Variants in LY86 observed in about 807,000 individuals in gnomAD.
The protein encoded by LY86 is lymphocyte antigen 86.
In LY86, 20 loss-of-function variants were observed where a neutral mutation model predicts 17.3. The ratio of observed to expected loss-of-function variants is 1.15; its 90% CI spans 0.81 to 1.68. The LOEUF (loss-of-function observed/expected upper bound fraction) is 1.68, where lower values mean the gene tolerates loss of function less well. LY86 is among the 40% of genes most tolerant of loss of function. The pLI, the probability that LY86 is intolerant of heterozygous loss-of-function variation, is 0.00. For synonymous variants in LY86, 74 were observed against 70.6 expected (o/e 1.05, Z -0.24); for missense variants, 200 against 191.9 (o/e 1.04, Z -0.25).
intron 3 of LY86, among the ~76,000 whole-genome samples, chr6:6,628,036 C>CTT (rs202086977): frequency 8.8e-5 from 13 of 147,570 alleles, no homozygotes; most frequent in African/African-American, 2.2e-4. Context: ...CAAATTGGGA[C>CTT]TTTTTTTTTT....
chr6:6,601,449 G>T (rs1276582076), intron 1 of LY86, among the ~76,000 whole-genome samples: 1 of 152,230 alleles, frequency 6.6e-6, no homozygotes, highest in African/African-American at 2.4e-5. Context: ...GAGGCCGGGC[G>T]CGGTGGCTCA....
intron 1 of LY86, among the ~76,000 whole-genome samples, chr6:6,609,949 G>A (rs560030505): frequency 2.0e-5 from 3 of 152,288 alleles, no homozygotes; most frequent in Non-Finnish European, 4.4e-5. Context: ...CACTGGCAAG[G>A]AAGGGTGCTG....
chr6:6,622,319 C>G (rs1169216486), intron 1 of LY86, among the ~76,000 whole-genome samples: 1 of 152,180 alleles, frequency 6.6e-6, no homozygotes, highest in African/African-American at 2.4e-5. Flanking sequence ...TGCTAATCAA[C>G]AACACAATAC....
At chr6:6,645,148 T>G (rs896619969) in intron 3 of LY86, among the ~76,000 whole-genome samples, 2 of 152,176 alleles carry the variant, frequency 1.3e-5, no homozygotes, top group Admixed American at 1.3e-4. Context: ...CATCCATTTT[T>G]TAAAACGAAA....
At chr6:6,601,193 T>G (rs942125368) in intron 1 of LY86, among the ~76,000 whole-genome samples, 8 of 152,168 alleles carry the variant, frequency 5.3e-5, no homozygotes, top group African/African-American at 1.7e-4. Flanking sequence ...GATCTCAGGA[T>G]CTCAGCAGAG....
chr6:6,599,649 G>A (rs1760835814), intron 1 of LY86, among the ~76,000 whole-genome samples: 2 of 152,214 alleles, frequency 1.3e-5, no homozygotes, highest in South Asian at 4.1e-4. Flanking sequence ...CACAAAGAGA[G>A]GGGTCAGCAT....
chr6:6,627,744 A>T (rs528767658), intron 3 of LY86, among the ~76,000 whole-genome samples: 2 of 152,174 alleles, frequency 1.3e-5, no homozygotes, highest in Non-Finnish European at 2.9e-5. Flanking sequence ...CCAATAAGTC[A>T]TTTACTTCCC....
At chr6:6,593,554 G>C (rs1216808913) in intron 1 of LY86, among the ~76,000 whole-genome samples, 1 of 152,224 alleles carries the variant, frequency 6.6e-6, no homozygotes, top group African/African-American at 2.4e-5. Context: ...CTATATGAAA[G>C]GTGCTTAGCA....
chr6:6,613,224 C>A (rs897106925), intron 1 of LY86, among the ~76,000 whole-genome samples: 1 of 144,950 alleles, frequency 6.9e-6, no homozygotes, highest in Non-Finnish European at 1.5e-5. Context: ...CCCAGTGGAT[C>A]CGGCACTAGG....
chr6:6,634,300 A>T (rs1263080420), intron 3 of LY86, among the ~76,000 whole-genome samples: 2 of 152,274 alleles, frequency 1.3e-5, no homozygotes, highest in African/African-American at 2.4e-5. Context: ...CAATCTGAAG[A>T]ATCCTCTAGT....
intron 4 of LY86, among the ~76,000 whole-genome samples, chr6:6,653,560 C>G (rs1378988406): frequency 6.6e-6 from 1 of 152,242 alleles, no homozygotes; most frequent in African/African-American, 2.4e-5. Context: ...ACCTGGCTGC[C>G]AGGTGGCTTC....
rs111910078 is a variant in LY86 at position 6,612,691 on chromosome 6, G to T, written c.137-12235G>T. ...GCTGATTGGTCCGTTTTGACAGGGTGCTGATTGGTCGCGTTTACAATCCCT... is the reference window on the plus strand; with the variant it reads ...GCTGATTGGTCCGTTTTGACAGGGTTCTGATTGGTCGCGTTTACAATCCCT... On this transcript the variant is annotated intron_variant, in intron 1 of 4. Transcript: ENST00000230568. Among the ~76,000 whole-genome samples, 602 of 152,316 alleles carry T rather than the reference G, an allele frequency of 4.0e-3. 5 individuals are homozygous for T. Among genetic ancestry groups the T allele is most frequent in the African/African-American group, 0.014 (573 of 41,572 alleles).
intron 2 of LY86, 151 bp downstream of exon 2, chr6:6,625,163 C>A (rs924158588): frequency 2.0e-6 from 1 of 507,736 alleles, no homozygotes; most frequent in Middle Eastern, 2.8e-4. Flanking sequence ...TCTTCATTTT[C>A]AAATCTTTCT....
Position 6,626,278 on chromosome 6 carries a change from T to G in LY86, c.224-15T>G. The G allele has an allele frequency of 6.2e-7, 1 of 1,613,152 alleles. No homozygotes were observed. Reference sequence around the variant, plus strand: ...ACACGCAGTAAGAGTAAAGCTGTTCTTCTCTTTCCTCCAGGAGAGGACATC... The same window carrying G: ...ACACGCAGTAAGAGTAAAGCTGTTCGTCTCTTTCCTCCAGGAGAGGACATC... On this transcript the variant is annotated splice_polypyrimidine_tract_variant and intron_variant, in intron 2 of 4. Coordinates refer to ENST00000230568, the MANE Select transcript of LY86 (RefSeq NM_004271.4).
At chr6:6,631,634 G>C (rs1252648421) in intron 3 of LY86, among the ~76,000 whole-genome samples, 1 of 152,216 alleles carries the variant, frequency 6.6e-6, no homozygotes, top group Non-Finnish European at 1.5e-5. Context: ...GAAGCTCTGG[G>C]GTTGGGGCTT....
At chr6:6,624,491 G>A (rs1581246938) in intron 1 of LY86, among the ~76,000 whole-genome samples, 1 of 151,866 alleles carries the variant, frequency 6.6e-6, no homozygotes. Context: ...TTGAGCCTAA[G>A]TATTAATGTC....
chr6:6,629,980 A>G (rs1229507632), intron 3 of LY86, among the ~76,000 whole-genome samples: 1 of 152,258 alleles, frequency 6.6e-6, no homozygotes, highest in Non-Finnish European at 1.5e-5. Context: ...AGCATGCTAT[A>G]AAAGTGTAGT....
chr6:6,604,198 C>T (rs1761018442), intron 1 of LY86, among the ~76,000 whole-genome samples: 1 of 152,110 alleles, frequency 6.6e-6, no homozygotes, highest in South Asian at 2.1e-4. Flanking sequence ...CATAAGCTCA[C>T]AGTCCAAAAT....
At chr6:6,597,958 G>C (rs1267316593) in intron 1 of LY86, among the ~76,000 whole-genome samples, 1 of 152,220 alleles carries the variant, frequency 6.6e-6, no homozygotes, top group Non-Finnish European at 1.5e-5. Flanking sequence ...GATAAATCTA[G>C]AACAGAATTA....
Sources: gnomAD v4.1 joint callset for allele counts (sites outside exome capture counted in the v4.1 genomes callset) on GRCh38, gnomAD v4.1.1 for gene constraint, MANE v1.5 for transcripts, NCBI Gene and HGNC (gene_info 2026-07-23, HGNC 2026-07-21) for gene names.